Variants in ACACA observed in about 807,000 individuals in gnomAD.
ACACA encodes acetyl-CoA carboxylase 1.
In ACACA, 103 loss-of-function variants were observed where a neutral mutation model predicts 296.1. The observed-to-expected ratio is 0.35, with a 90% confidence interval of 0.30 to 0.41. The LOEUF (loss-of-function observed/expected upper bound fraction) is 0.41, where lower values mean the gene tolerates loss of function less well. Ranked by LOEUF, ACACA falls within the 10% of genes least tolerant of loss-of-function variation. ACACA has a pLI of 1.00. For synonymous variants in ACACA, 953 were observed against 1,038.6 expected, an observed-to-expected ratio of 0.92 and a Z score of 1.58; for missense variants, 1,554 against 2,989.7, an observed-to-expected ratio of 0.52 and a Z score of 11.20.
In ACACA at chr17:37,227,784, C is replaced by T. The variant is rs1321673249; in HGVS notation, c.3247-1332G>A. On this transcript the variant is annotated intron_variant, in intron 25 of 55. Coordinates refer to ENST00000616317, the MANE Select transcript of ACACA (RefSeq NM_198834.3). The stretch of plus-strand genomic sequence containing the variant: ...CTGAGGCAGGAGAATGGCGTGAACC[C>T]GGGAGGTGGACCTTGCAGTGAGCCG... 4.1e-5 allele frequency among the ~76,000 whole-genome samples: 6 copies of T among 148,004 alleles called. No homozygotes were observed. The East Asian group carries it at 1.2e-3, about 30-fold the overall frequency.
intron 3 of ACACA, among the ~76,000 whole-genome samples, chr17:37,310,577 T>G (rs992990883): frequency 2.0e-5 from 3 of 151,906 alleles, no homozygotes; most frequent in Non-Finnish European, 4.4e-5. Flanking sequence ...GTGGATCACC[T>G]GAGGTCAGGA....
intron 29 of ACACA, among the ~76,000 whole-genome samples, chr17:37,214,142 T>C (rs1271650997): frequency 4.6e-5 from 7 of 152,168 alleles, no homozygotes; most frequent in African/African-American, 1.7e-4. Context: ...AATAACCTAC[T>C]AGCAGCCACT....
chr17:37,358,310 C>T (rs2049236061), intron 1 of ACACA, among the ~76,000 whole-genome samples: 1 of 152,192 alleles, frequency 6.6e-6, no homozygotes, highest in African/African-American at 2.4e-5. Flanking sequence ...CCTGTGAAAT[C>T]ATTAGCTTCA....
In ACACA at chr17:37,243,570, A is replaced by G; in HGVS notation, c.2743-11T>C. ...TACCCAGTCTTTTACCTAGAAAGAAAGCATTGGTAAAATAGGACCCAAGTT... is the reference window on the plus strand; with the variant it reads ...TACCCAGTCTTTTACCTAGAAAGAAGGCATTGGTAAAATAGGACCCAAGTT... On this transcript the variant is annotated splice_polypyrimidine_tract_variant and intron_variant, in intron 21 of 55. Coordinates refer to ENST00000616317, the MANE Select transcript of ACACA (RefSeq NM_198834.3). 1 of 1,613,414 alleles carries G rather than the reference A, an allele frequency of 6.2e-7. No homozygotes were observed. The highest frequency in any genetic ancestry group is 8.5e-7 in the Non-Finnish European group (1 of 1,179,654).
chr17:37,159,463 C>T (rs1191336925), intron 42 of ACACA, among the ~76,000 whole-genome samples: 1 of 152,170 alleles, frequency 6.6e-6, no homozygotes, highest in Non-Finnish European at 1.5e-5. Flanking sequence ...CTCAAGTGAT[C>T]TGCCTGCCTC....
intron 1 of ACACA, among the ~76,000 whole-genome samples, chr17:37,341,892 A>T (rs2048386068): frequency 1.3e-5 from 2 of 152,000 alleles, no homozygotes; most frequent in African/African-American, 4.8e-5. Flanking sequence ...TTTTCATTCC[A>T]TACAGGTTTG....
At position 37,391,755 on chromosome 17, in the gene ACACA, A is replaced by C. The variant is rs113066483; in HGVS notation, c.38+14507T>G. ...TCTGCTCTATCTCAAAGACTGAATG[A>C]TACTACACAGTCCTCTCCCTATTAA... On this transcript the variant is annotated intron_variant, in intron 1 of 55. Transcript: ENST00000616317. 54 of 1,562,996 alleles carry C rather than the reference A, an allele frequency of 3.5e-5. No homozygotes were observed. In the African/African-American group the frequency reaches 4.9e-4, roughly 14 times the overall value.
chr17:37,111,119 G>A (rs1018528825), intron 52 of ACACA, among the ~76,000 whole-genome samples: 2 of 152,064 alleles, frequency 1.3e-5, no homozygotes, highest in South Asian at 2.1e-4. Context: ...AACACCACCT[G>A]GGTAAAGACT....
At chr17:37,235,892 C>T (rs144188256) in intron 24 of ACACA, among the ~76,000 whole-genome samples, 21 of 152,290 alleles carry the variant, frequency 1.4e-4, no homozygotes, top group Middle Eastern at 3.4e-3. Flanking sequence ...CTATGTTTTA[C>T]AACAGAAGCA....
At chr17:37,108,678 G>T (rs377615489) in intron 52 of ACACA, among the ~76,000 whole-genome samples, 1 of 152,126 alleles carries the variant, frequency 6.6e-6, no homozygotes, top group South Asian at 2.1e-4. Flanking sequence ...GTGAGCCACC[G>T]TGCCCGGAGT....
At chr17:37,175,501 T>C (rs2077076322) in intron 41 of ACACA, among the ~76,000 whole-genome samples, 1 of 152,234 alleles carries the variant, frequency 6.6e-6, no homozygotes, top group Non-Finnish European at 1.5e-5. Flanking sequence ...AACTGTTGGA[T>C]AGCTGCATTT....
At chr17:37,297,163 C>T (rs575695311) in intron 3 of ACACA, among the ~76,000 whole-genome samples, 14 of 150,550 alleles carry the variant, frequency 9.3e-5, no homozygotes, top group Admixed American at 2.0e-4. Flanking sequence ...CATTTAAGGC[C>T]GGGCGCGGTG....
intron 3 of ACACA, among the ~76,000 whole-genome samples, chr17:37,304,284 G>A (rs920731372): frequency 1.3e-5 from 2 of 152,004 alleles, no homozygotes; most frequent in African/African-American, 4.8e-5. Flanking sequence ...ATATGCTCAA[G>A]CGATCCTCCT....
At chr17:37,129,049 T>C (rs2074964111) in intron 47 of ACACA, among the ~76,000 whole-genome samples, 1 of 152,340 alleles carries the variant, frequency 6.6e-6, no homozygotes, top group East Asian at 1.9e-4. Flanking sequence ...ATGGCTTATA[T>C]TGAACTGTGT....
At chr17:37,162,478 TG>T (rs1194870394) in intron 41 of ACACA, 2 of 304,206 alleles carry the variant, frequency 6.6e-6, no homozygotes, top group African/African-American at 4.4e-5. Context: ...AGGTGGGGCC[TG>T]GTGTGAGGTG....
chr17:37,376,073 G>T, intron 1 of ACACA: 1 of 1,605,148 alleles, frequency 6.2e-7, no homozygotes, highest in Non-Finnish European at 8.5e-7. Flanking sequence ...TGTCTGCAAT[G>T]AGCATGTGCT....
At chr17:37,331,258 C>T (rs925928880) in intron 2 of ACACA, among the ~76,000 whole-genome samples, 23 of 148,842 alleles carry the variant, frequency 1.5e-4, no homozygotes, top group African/African-American at 5.7e-4. Flanking sequence ...CCTGGGACTA[C>T]AGGCACCCGC....
At position 37,339,876 on chromosome 17, in the gene ACACA, G is replaced by A. The variant is rs181093884; in HGVS notation, c.39-26C>T. On this transcript the variant is annotated intron_variant, in intron 1 of 55. Coordinates refer to ENST00000616317, the MANE Select transcript of ACACA (RefSeq NM_198834.3). Reference sequence around the variant, plus strand: ...CTAGAGAGAAAGAGAAAGATTTTAAGGTTTTTTTTTTTAAGAAACAAACTT... The same window carrying A: ...CTAGAGAGAAAGAGAAAGATTTTAAAGTTTTTTTTTTTAAGAAACAAACTT... 3.9e-4 allele frequency: 470 copies of A among 1,218,342 alleles called. 2 individuals carry two copies. In the East Asian group the frequency reaches 0.011, roughly 27 times the overall value. The allele number at this position is 1,218,342 out of a possible 1,614,324, so 75.5% of individuals were successfully genotyped here. A position where few individuals can be genotyped will look rare whatever the true frequency, so the allele number is the denominator to read the frequency against.
chr17:37,091,836 A>T (rs1483700431), intron 54 of ACACA, among the ~76,000 whole-genome samples: 1 of 151,890 alleles, frequency 6.6e-6, no homozygotes, highest in Non-Finnish European at 1.5e-5. Flanking sequence ...TTGGCCTCCC[A>T]AAGTGCTGGG....
Sources: allele counts gnomAD v4.1 joint callset (sites outside exome capture counted in the v4.1 genomes callset), GRCh38; gene constraint gnomAD v4.1.1; transcripts MANE v1.5; gene names NCBI Gene and HGNC (gene_info 2026-07-23, HGNC 2026-07-21).